Variants in SBNO2 observed in about 807,000 individuals in gnomAD.
SBNO2 encodes the protein protein strawberry notch homolog 2.
A neutral mutation model predicts 146.3 loss-of-function variants in SBNO2; 89 were observed. The ratio of observed to expected loss-of-function variants is 0.61; its 90% CI spans 0.51 to 0.73. The LOEUF is 0.73. SBNO2 is among the 30% of genes least tolerant of loss of function. SBNO2 has a pLI of 0.00. For synonymous variants in SBNO2, 1,147 were observed against 892.6 expected, an observed-to-expected ratio of 1.29 and a Z score of -5.08; for missense variants, 2,092 against 2,003.7, an observed-to-expected ratio of 1.04 and a Z score of -0.84.
intron 14 of SBNO2, among the ~76,000 whole-genome samples, chr19:1,118,639 C>T (rs2079861152): frequency 6.6e-6 from 1 of 152,208 alleles, no homozygotes; most frequent in Admixed American, 6.5e-5. Flanking sequence ...GAGGCCGAGG[C>T]GGGCAGATCA....
intron 5 of SBNO2, 100 bp from the exon 6 acceptor site, chr19:1,124,122 G>A (rs1322971793): frequency 4.6e-6 from 5 of 1,094,282 alleles, no homozygotes; most frequent in South Asian, 1.3e-5. Context: ...CCACTGCCCC[G>A]TCCTCGCCTC....
chr19:1,112,752 G>A lies in SBNO2; in HGVS notation c.2379+66C>T. 6.7e-7 allele frequency: 1 copy of A among 1,501,408 alleles called. No homozygotes were observed. The highest frequency in any genetic ancestry group is 8.9e-7 in the Non-Finnish European group (1 of 1,122,626). 93.0% of individuals were successfully genotyped at this position (1,501,408 alleles called of 1,614,324 possible). ...AGTGCGCGGGTCCACAGTCCCCGGG[G>A]ACCCTTGGGCCCCTCTGTGCCTCTT... On this transcript the variant is annotated intron_variant, in intron 20 of 31. Coordinates refer to ENST00000361757, the MANE Select transcript of SBNO2 (RefSeq NM_014963.3). The surrounding 1 kb of genome is among the most constrained non-coding windows in gnomAD (Gnocchi z 5.9).
In SBNO2 at chr19:1,119,762, G is replaced by A; in HGVS notation, c.1268-141C>T. ...CTGAAGAGAGCCAGCGTGGCCTTGG[G>A]ACAGGCGCAGAGGTGCCCCAGTGTC... On this transcript the variant is annotated intron_variant, in intron 12 of 31. Coordinates refer to ENST00000361757, the MANE Select transcript of SBNO2 (RefSeq NM_014963.3). The A allele has an allele frequency of 6.3e-6, 6 of 955,636 alleles. No individual in the cohort carries two copies. The South Asian group carries it at 7.5e-5, about 12-fold the overall frequency. 59.2% of individuals were successfully genotyped at this position (955,636 alleles called of 1,614,324 possible).
rs780088944 is a variant in SBNO2, at chr19:1,127,783, G to A, written c.280-18C>T. ...GAGGAGTCCTGGAAGACAAGGCCAG[G>A]CCCGGTGAGGGTGGTACGGGAGACA... On this transcript the variant is annotated intron_variant, in intron 4 of 31. Coordinates refer to ENST00000361757, the MANE Select transcript of SBNO2 (RefSeq NM_014963.3). 17 of 1,611,198 alleles carry A rather than the reference G, an allele frequency of 1.1e-5. No individual in the cohort carries two copies. Among genetic ancestry groups the A allele is most frequent in the Non-Finnish European group, 1.3e-5 (15 of 1,178,196 alleles).
In SBNO2 at chr19:1,111,107, G is replaced by A. The variant is rs376340506; in HGVS notation, c.2810-14C>T. On this transcript the variant is annotated splice_polypyrimidine_tract_variant and intron_variant, in intron 24 of 31. Coordinates refer to ENST00000361757, the MANE Select transcript of SBNO2 (RefSeq NM_014963.3). ...CCTGCTTCATGTCTGCGGGGAGAGG[G>A]GCCTCACATGCTGGTCTTCCCACCC... The A allele has an allele frequency of 4.0e-4, 618 of 1,543,348 alleles. 1 individual carries two copies. Among genetic ancestry groups the A allele is most frequent in the Non-Finnish European group, 4.9e-4 (565 of 1,146,624 alleles).
intron 4 of SBNO2, among the ~76,000 whole-genome samples, chr19:1,142,189 C>A (rs962594139): frequency 8.4e-6 from 1 of 118,658 alleles, no homozygotes. Flanking sequence ...CCATGATCAA[C>A]CCTCACTCAA....
rs778016862 is a variant in SBNO2 at position 1,154,196 on chromosome 19, C to T, written c.81G>A (p.Pro27=). 1.9e-4 allele frequency: 234 copies of T among 1,245,030 alleles called. No individual in the cohort carries two copies. The highest frequency in any genetic ancestry group is 2.3e-4 in the Non-Finnish European group (226 of 993,998). The allele number at this position is 1,245,030 out of a possible 1,614,324, so 77.1% of individuals were successfully genotyped here. ...PPPAGSLLYS[P]PPLQSAMLHC... ...GGGTGGGGCTCACCTGCAGGGGCGG[C>T]GGGCTGTACAGGAGGCTGCCCGCCG... The change falls in exon 2 of 32, where the codon CCG becomes CCA. Residue 27 remains proline, a synonymous_variant. Coordinates refer to ENST00000361757, the MANE Select transcript of SBNO2 (RefSeq NM_014963.3).
chr19:1,130,326 T>C (rs2080014082), intron 4 of SBNO2, among the ~76,000 whole-genome samples: 2 of 152,136 alleles, frequency 1.3e-5, no homozygotes, highest in African/African-American at 4.8e-5. Context: ...TCTGTCATTC[T>C]AAAACAGTTT....
Position 1,110,098 on chromosome 19 carries a change from A to G in SBNO2, c.3029-321T>C, listed in dbSNP as rs1230051205. 1.3e-5 allele frequency among the ~76,000 whole-genome samples: 2 copies of G among 150,118 alleles called. No homozygotes were observed. The highest frequency in any genetic ancestry group is 2.0e-4 in the East Asian group (1 of 5,110). Reference sequence around the variant, plus strand: ...GGCCGCTCAGATCCTAGGTAACCCCAAGCAGGCTGTGAGGAGATTGTAGGA... The same window carrying G: ...GGCCGCTCAGATCCTAGGTAACCCCGAGCAGGCTGTGAGGAGATTGTAGGA... On this transcript the variant is annotated intron_variant, in intron 26 of 31. Transcript: ENST00000361757. The surrounding 1 kb of genome is among the most constrained non-coding windows in gnomAD (Gnocchi z 4.9).
At position 1,109,206 on chromosome 19, in the gene SBNO2, G is replaced by T. The variant is rs201860402; in HGVS notation, c.3354C>A (p.Thr1118=). The T allele has an allele frequency of 5.7e-6, 9 of 1,567,180 alleles. No individual in the cohort carries two copies. The East Asian group carries it at 1.9e-4, about 33-fold the overall frequency. The change falls in exon 30 of 32, where the codon ACC becomes ACA. Residue 1118 remains threonine, a synonymous_variant. Transcript: ENST00000361757. This position sits in a 1 kb window ranked among gnomAD's most constrained non-coding sequence, Gnocchi z 4.2. ...DSLRRKFHRV[T]AEEAKEPWES... ...CCCAGGGCTCCTTGGCCTCCTCCGC[G>T]GTGACCTAGGGACACAGGGCCGCAT...
intron 2 of SBNO2, among the ~76,000 whole-genome samples, chr19:1,153,564 T>C (rs1347020356): frequency 1.3e-5 from 2 of 149,118 alleles, no homozygotes; most frequent in Non-Finnish European, 3.0e-5. Context: ...TGAGATGGAG[T>C]CTCACTCTTG....
rs1484419177 is a variant in SBNO2, at chr19:1,150,133, G to A, written c.94-691C>T. 6.6e-6 allele frequency among the ~76,000 whole-genome samples: 1 copy of A among 152,118 alleles called. No individual in the cohort carries two copies. Among genetic ancestry groups the A allele is most frequent in the Non-Finnish European group, 1.5e-5 (1 of 68,002 alleles). On this transcript the variant is annotated intron_variant, in intron 2 of 31. Transcript: ENST00000361757. The surrounding 1 kb of genome is among the most constrained non-coding windows in gnomAD (Gnocchi z 6.2). The stretch of plus-strand genomic sequence containing the variant: ...CGAATCTCTGGTGGGTCTGACTCCA[G>A]GCCAGGCTTACCCAACACCCTCGCC...
At chr19:1,154,076 G>T (rs544166065) in intron 2 of SBNO2, 108 bp downstream of exon 2, 5 of 489,200 alleles carry the variant, frequency 1.0e-5, no homozygotes, top group African/African-American at 6.0e-5. Context: ...TGGAGATCAC[G>T]CCGCGTCCAC....
Position 1,112,558 on chromosome 19 carries a change from G to A in SBNO2, c.2380-21C>T, listed in dbSNP as rs987192518. 9 of 1,584,138 alleles carry A rather than the reference G, an allele frequency of 5.7e-6. No individual in the cohort carries two copies. Among genetic ancestry groups the A allele is most frequent in the African/African-American group, 2.7e-5 (2 of 74,484 alleles). The stretch of plus-strand genomic sequence containing the variant: ...ACGAGCTAGGGGGAAAGAAGGGGCC[G>A]GGACACGGTTGGTGCAAGGCCCGCC... On this transcript the variant is annotated intron_variant, in intron 20 of 31. Coordinates refer to ENST00000361757, the MANE Select transcript of SBNO2 (RefSeq NM_014963.3). The surrounding 1 kb of genome is among the most constrained non-coding windows in gnomAD (Gnocchi z 5.9).
In SBNO2 at chr19:1,140,300, A is replaced by C. The variant is rs543444020; in HGVS notation, c.279+7009T>G. On this transcript the variant is annotated intron_variant, in intron 4 of 31. Coordinates refer to ENST00000361757, the MANE Select transcript of SBNO2 (RefSeq NM_014963.3). This position sits in a 1 kb window ranked among gnomAD's most constrained non-coding sequence, Gnocchi z 4.4. The stretch of plus-strand genomic sequence containing the variant: ...GGGCGACAGAGCGAGATTTCATCTC[A>C]AAAAAAAAAAAAAAGCAGCAGCAAC... Among the ~76,000 whole-genome samples, 1 of 142,184 alleles carries C rather than the reference A, an allele frequency of 7.0e-6. No homozygotes were observed. The highest frequency in any genetic ancestry group is 2.2e-4 in the South Asian group (1 of 4,492). 93.3% of individuals were successfully genotyped at this position (142,184 alleles called of 152,430 possible).
chr19:1,136,528 C>T lies in SBNO2; in HGVS notation c.280-8763G>A, dbSNP rs920743120. ...GGCCCTGGGCGGAGGCTCCTCCTCC[C>T]GGGGGGGCTGTGGCCTCAGCACAGA... On this transcript the variant is annotated intron_variant, in intron 4 of 31. Transcript: ENST00000361757. The surrounding 1 kb of genome is among the most constrained non-coding windows in gnomAD (Gnocchi z 4.2). Among the ~76,000 whole-genome samples the T allele has an allele frequency of 3.9e-5, 6 of 152,292 alleles. No individual in the cohort carries two copies. Among genetic ancestry groups the T allele is most frequent in the African/African-American group, 1.2e-4 (5 of 41,568 alleles).
chr19:1,110,878 G>A lies in SBNO2; in HGVS notation c.2895C>T (p.Ile965=), dbSNP rs1422180099. 1.9e-6 allele frequency: 3 copies of A among 1,613,706 alleles called. No individual in the cohort carries two copies. Among genetic ancestry groups the A allele is most frequent in the East Asian group, 4.5e-5 (2 of 44,868 alleles). ...CCAGGATGCGGTTCAGGAACTTGGT[G>A]ATGGAACAGTCTGGTAGGGGAGGGA... ...GCLDVEKDCS[I]TKFLNRILGL... Residue 965 remains isoleucine (I), a synonymous_variant, in exon 26 of 32, where the codon ATC becomes ATT. Transcript: ENST00000361757. The surrounding 1 kb of genome is among the most constrained non-coding windows in gnomAD (Gnocchi z 4.9).
chr19:1,170,861 A>G (rs911007945), intron 1 of SBNO2, among the ~76,000 whole-genome samples: 3 of 151,726 alleles, frequency 2.0e-5, no homozygotes, highest in African/African-American at 7.3e-5. Context: ...TGCACCCACA[A>G]CACAAACACA....
At position 1,140,647 on chromosome 19, in the gene SBNO2, G is replaced by C. The variant is rs1285278639; in HGVS notation, c.279+6662C>G. 6.6e-6 allele frequency among the ~76,000 whole-genome samples: 1 copy of C among 152,176 alleles called. No homozygotes were observed. Among genetic ancestry groups the C allele is most frequent in the Non-Finnish European group, 1.5e-5 (1 of 68,002 alleles). On this transcript the variant is annotated intron_variant, in intron 4 of 31. Transcript: ENST00000361757. This position sits in a 1 kb window ranked among gnomAD's most constrained non-coding sequence, Gnocchi z 4.4. ...GGAGCAGGCAGAGAGCGGGGAAGGGGTGGGGGTCCCACACAGACCCAGCCG... is the reference window on the plus strand; with the variant it reads ...GGAGCAGGCAGAGAGCGGGGAAGGGCTGGGGGTCCCACACAGACCCAGCCG...
Sources: allele counts gnomAD v4.1 joint callset (sites outside exome capture counted in the v4.1 genomes callset), GRCh38; gene constraint gnomAD v4.1.1; non-coding constraint Gnocchi (gnomAD v3.1); transcripts MANE v1.5; gene names NCBI Gene and HGNC (gene_info 2026-07-23, HGNC 2026-07-21).